The following LGR5 variants were observed in gnomAD, a reference collection of about 807,000 sequenced individuals.
LGR5 encodes the protein leucine rich repeat containing G protein-coupled receptor 5, also known as leucine-rich repeat-containing G protein-coupled receptor 5.
In LGR5, 54 loss-of-function variants were observed where a neutral mutation model predicts 76.7. The observed-to-expected ratio is 0.70, with a 90% CI of 0.57 to 0.88. The LOEUF (loss-of-function observed/expected upper bound fraction) is 0.88. LGR5 is among the 40% of genes least tolerant of loss of function. The probability of loss-of-function intolerance (pLI) is 0.00; values close to 1 mark genes in which losing one functional copy is unlikely to be tolerated. For synonymous variants in LGR5, 406 were observed against 421.9 expected (o/e 0.96, Z 0.46); for missense variants, 1,078 against 1,073.3 (o/e 1.00, Z -0.06).
chr12:71,506,946 T>C (rs1254486167), intron 2 of LGR5, among the ~76,000 whole-genome samples: 1 of 152,202 alleles, frequency 6.6e-6, no homozygotes, highest in African/African-American at 2.4e-5. Context: ...TTTTTTATGC[T>C]GTTGATTGTT....
In LGR5 at chr12:71,476,398, T is replaced by C. The variant is rs567660440; in HGVS notation, c.213-28216T>C. Among the ~76,000 whole-genome samples, 427 of 152,122 alleles carry C rather than the reference T, an allele frequency of 2.8e-3. 3 individuals carry two copies. The highest frequency in any genetic ancestry group is 4.9e-3 in the Non-Finnish European group (331 of 67,982). On this transcript the variant is annotated intron_variant, in intron 1 of 17. Transcript: ENST00000266674. ...TCCCCAATGTGTGTCTACTCTAGGG[T>C]TCAAGCCTGACTGAGGAATGATCCA...
At chr12:71,448,617 T>G (rs764919086) in intron 1 of LGR5, 1 of 151,654 alleles carries the variant, frequency 6.6e-6, no homozygotes, top group African/African-American at 2.4e-5. Context: ...GGTCTTTAAA[T>G]CTATCCGCAC....
At chr12:71,550,461 CTTTT>C (rs71068776) in intron 4 of LGR5, among the ~76,000 whole-genome samples, 4 of 132,056 alleles carry the variant, frequency 3.0e-5, no homozygotes, top group Non-Finnish European at 4.8e-5. Context: ...CTCATACTTT[CTTTT>C]TTTTTTTTTT....
At chr12:71,558,039 T>G (rs1877863382) in intron 6 of LGR5, among the ~76,000 whole-genome samples, 2 of 152,194 alleles carry the variant, frequency 1.3e-5, no homozygotes, top group African/African-American at 4.8e-5. Context: ...TTCTAGCCTA[T>G]GAGCACTAAC....
chr12:71,571,645 C>A, intron 12 of LGR5, 66 bp downstream of exon 12: 1 of 1,183,210 alleles, frequency 8.5e-7, no homozygotes, highest in Non-Finnish European at 1.3e-6. Context: ...TTCTCAGGGT[C>A]ACTGGTTCAT....
chr12:71,482,134 A>G (rs1480908006), intron 1 of LGR5, among the ~76,000 whole-genome samples: 2 of 152,202 alleles, frequency 1.3e-5, no homozygotes, highest in African/African-American at 4.8e-5. Flanking sequence ...TTCATCAAAA[A>G]GGCAAACCTA....
At chr12:71,476,926 C>T (rs1370872765) in intron 1 of LGR5, among the ~76,000 whole-genome samples, 2 of 152,008 alleles carry the variant, frequency 1.3e-5, no homozygotes, top group African/African-American at 4.8e-5. Flanking sequence ...AAAAATATAG[C>T]CGATTAAACA....
intron 1 of LGR5, among the ~76,000 whole-genome samples, chr12:71,475,909 TTATTC>T (rs1196032352): frequency 6.6e-6 from 1 of 152,156 alleles, no homozygotes; most frequent in African/African-American, 2.4e-5. Flanking sequence ...ATGAAGATCT[TTATTC>T]TATACATCCT....
At chr12:71,464,492 T>G (rs1456158623) in intron 1 of LGR5, among the ~76,000 whole-genome samples, 7 of 152,154 alleles carry the variant, frequency 4.6e-5, no homozygotes, top group African/African-American at 1.7e-4. Flanking sequence ...AGGAAAATGA[T>G]GACTTTCCGG....
At chr12:71,552,923 G>C in intron 4 of LGR5, 150 bp from the exon 5 acceptor site, 1 of 630,636 alleles carries the variant, frequency 1.6e-6, no homozygotes, top group Non-Finnish European at 2.8e-6. Context: ...AGATCATCTG[G>C]AGAGGAAAAT....
intron 12 of LGR5, 62 bp from the exon 13 acceptor site, chr12:71,572,788 G>A: frequency 7.8e-7 from 1 of 1,277,284 alleles, no homozygotes; most frequent in South Asian, 1.2e-5. Context: ...AAAGTTATCT[G>A]AAGTCTGTAG....
At chr12:71,474,333 C>T (rs764455460) in intron 1 of LGR5, among the ~76,000 whole-genome samples, 10 of 152,042 alleles carry the variant, frequency 6.6e-5, no homozygotes, top group South Asian at 2.1e-4. Context: ...AAGTTGCTCC[C>T]GAGCAGGTAC....
At chr12:71,500,094 T>C (rs773932687) in intron 1 of LGR5, among the ~76,000 whole-genome samples, 11 of 152,020 alleles carry the variant, frequency 7.2e-5, no homozygotes, top group Non-Finnish European at 1.0e-4. Flanking sequence ...GACTCAGATA[T>C]ATTCTCCACT....
At chr12:71,443,453 G>T (rs1376771120) in intron 1 of LGR5, among the ~76,000 whole-genome samples, 1 of 152,164 alleles carries the variant, frequency 6.6e-6, no homozygotes, top group Non-Finnish European at 1.5e-5. Context: ...TGCTGCCCCA[G>T]CAAGTGGTTA....
intron 3 of LGR5, among the ~76,000 whole-genome samples, chr12:71,530,024 C>T (rs1876222768): frequency 6.6e-6 from 1 of 151,202 alleles, no homozygotes; most frequent in Non-Finnish European, 1.5e-5. Flanking sequence ...GAGGTAGTTG[C>T]ATATGAGCAT....
At chr12:71,575,722 A>ATATATATG (rs1555176199) in intron 13 of LGR5, among the ~76,000 whole-genome samples, 7 of 144,760 alleles carry the variant, frequency 4.8e-5, no homozygotes, top group Admixed American at 2.1e-4. Flanking sequence ...AAAAATATAT[A>ATATATATG]TGTGTGTGTG....
chr12:71,524,010 A>G (rs1875853918), intron 2 of LGR5, among the ~76,000 whole-genome samples: 1 of 152,220 alleles, frequency 6.6e-6, no homozygotes, highest in South Asian at 2.1e-4. Context: ...AAATATTCTA[A>G]TGTTTATCTA....
rs544117105 is a variant in LGR5 at position 71,522,763 on chromosome 12, C to T, written c.285-1643C>T. On this transcript the variant is annotated intron_variant, in intron 2 of 17. Transcript: ENST00000266674. ...TTATATCTGTCAAGAGAAGGAAAAA[C>T]AGGCACAAACACAAATGACTACAAG... Among the ~76,000 whole-genome samples, 52 of 152,164 alleles carry T rather than the reference C, an allele frequency of 3.4e-4. No homozygotes were observed. The East Asian group carries it at 9.7e-3, about 28-fold the overall frequency.
intron 1 of LGR5, 93 bp from the exon 2 acceptor site, chr12:71,504,521 T>G (rs973474893): frequency 1.1e-6 from 1 of 942,166 alleles, no homozygotes; most frequent in African/African-American, 1.6e-5. Context: ...GAGTTCATTT[T>G]ACTGTATTGT....
Sources: allele counts gnomAD v4.1 joint callset (sites outside exome capture counted in the v4.1 genomes callset), GRCh38; gene constraint gnomAD v4.1.1; transcripts MANE v1.5; gene names NCBI Gene and HGNC (gene_info 2026-07-23, HGNC 2026-07-21).